The following TRIM33 variants were observed in gnomAD, a reference collection of about 807,000 sequenced individuals.
TRIM33 encodes the protein tripartite motif containing 33.
A neutral mutation model predicts 125.4 loss-of-function variants in TRIM33; 20 were observed. That is an observed-to-expected ratio of 0.16 (90% CI 0.11 to 0.23). TRIM33 has a LOEUF of 0.23. TRIM33 is among the 10% of genes least tolerant of loss of function. The pLI, the probability that TRIM33 is intolerant of heterozygous loss-of-function variation, is 1.00. For synonymous variants in TRIM33, 564 were observed against 513.9 expected (o/e 1.10, Z -1.32); for missense variants, 920 against 1,411.4 (o/e 0.65, Z 5.58).
chr1:114,489,522 T>C (rs1651919691), intron 1 of TRIM33, among the ~76,000 whole-genome samples: 1 of 151,946 alleles, frequency 6.6e-6, no homozygotes, highest in Non-Finnish European at 1.5e-5. Flanking sequence ...AGCAAGAGGA[T>C]CGCTTGGACC....
chr1:114,436,222 G>A (rs1223617287), intron 4 of TRIM33, among the ~76,000 whole-genome samples: 1 of 151,434 alleles, frequency 6.6e-6, no homozygotes, highest in African/African-American at 2.4e-5. Flanking sequence ...ACAACATGGT[G>A]AAACCCTGTC....
In TRIM33 at chr1:114,397,765, C is replaced by T. The variant is rs760678527; in HGVS notation, c.3267G>A (p.Leu1089=). The part of the protein sequence containing the change: ...EIYSDRTFAP[L]PEFEQEEDDG... ...CATCCTCTTCCTGCTCAAACTCTGG[C>T]AAAGGTGCGAAGGTCCTGTCTGAGT... Residue 1089 remains leucine (L), a synonymous_variant, in exon 20 of 20, where the codon TTG becomes TTA. Transcript: ENST00000358465. 4.3e-6 allele frequency: 7 copies of T among 1,613,828 alleles called. No individual in the cohort carries two copies. Among genetic ancestry groups the T allele is most frequent in the South Asian group, 1.1e-5 (1 of 91,050 alleles).
At position 114,427,798 on chromosome 1, in the gene TRIM33, A is replaced by G. The variant is rs1275321461; in HGVS notation, c.1252T>C (p.Trp418Arg). Residue 418 changes from tryptophan (W) to arginine (R), a missense_variant, in exon 7 of 20, where the codon TGG becomes CGG. Trp to Arg is a moderately radical substitution (Grantham distance 101). Around this residue, in one of 8 missense-constraint regions of TRIM33, gnomAD observed 407 missense variants for 589.7 expected, o/e 0.69. Transcript: ENST00000358465. Reference protein sequence around the residue: ...QVKHVMNFTNWAIASGSSTAL... With the variant: ...QVKHVMNFTNRAIASGSSTAL... ...GTGCTGCTGCCACTTGCAATTGCCC[A>G]ATTTGTGAAGTTCATAACATGCTTC... The G allele has an allele frequency of 6.2e-7, 1 of 1,614,014 alleles. No homozygotes were observed. The highest frequency in any genetic ancestry group is 8.5e-7 in the Non-Finnish European group (1 of 1,180,004).
At chr1:114,462,239 T>C (rs1650045838) in intron 4 of TRIM33, among the ~76,000 whole-genome samples, 1 of 152,208 alleles carries the variant, frequency 6.6e-6, no homozygotes, top group South Asian at 2.1e-4. Context: ...AAGGCTGCAA[T>C]AATGGTTGGC....
chr1:114,426,604 C>A (rs896878170), intron 8 of TRIM33, among the ~76,000 whole-genome samples: 11 of 150,912 alleles, frequency 7.3e-5, no homozygotes, highest in South Asian at 4.2e-4. Flanking sequence ...TTTACTCAAT[C>A]TGTAAATAGC....
chr1:114,401,335 T>C (rs1272283890), intron 17 of TRIM33, 54 bp downstream of exon 17: 1 of 1,489,546 alleles, frequency 6.7e-7, no homozygotes, highest in African/African-American at 1.4e-5. Flanking sequence ...CCAGAGCCCA[T>C]ACTCTTAAGT....
chr1:114,457,866 T>G (rs550980331), intron 4 of TRIM33, among the ~76,000 whole-genome samples: 9 of 152,258 alleles, frequency 5.9e-5, no homozygotes, highest in Non-Finnish European at 1.2e-4. Context: ...CACGGAACTC[T>G]GCAGTTGGTG....
At chr1:114,457,151 G>A (rs1461681197) in intron 4 of TRIM33, among the ~76,000 whole-genome samples, 1 of 152,162 alleles carries the variant, frequency 6.6e-6, no homozygotes, top group Non-Finnish European at 1.5e-5. Context: ...AATGAGGCCT[G>A]ATCAAAGACA....
chr1:114,449,927 T>A lies in TRIM33; in HGVS notation c.923+13177A>T, dbSNP rs114687207. Among the ~76,000 whole-genome samples, 456 of 152,300 alleles carry A rather than the reference T, an allele frequency of 3.0e-3. 1 individual carries two copies. The highest frequency in any genetic ancestry group is 0.01 in the African/African-American group (436 of 41,552). On this transcript the variant is annotated intron_variant, in intron 4 of 19. Coordinates refer to ENST00000358465, the MANE Select transcript of TRIM33 (RefSeq NM_015906.4). The stretch of plus-strand genomic sequence containing the variant: ...AATTATCTTACCCCATGGCTGTCAT[T>A]TTAGGCATTCCCTTACCTTTTACTT...
At chr1:114,448,948 A>T (rs1460224868) in intron 4 of TRIM33, among the ~76,000 whole-genome samples, 1 of 152,164 alleles carries the variant, frequency 6.6e-6, no homozygotes, top group African/African-American at 2.4e-5. Flanking sequence ...GAACACAAAG[A>T]CTAGAGTGTC....
chr1:114,510,897 G>C lies in TRIM33; in HGVS notation c.180C>G (p.Ala60=), dbSNP rs1653313747. Residue 60 remains alanine, a synonymous_variant, in exon 1 of 20, where the codon GCC becomes GCG. Transcript: ENST00000358465. ...CGGCCACCCCCCCGTCGTCGGGCCC[G>C]GCCGCGCCGCCCTCAGCGCCGGCCC... ...GGRAGAEGGA[A]GPDDGGVAAA... is the part of the protein sequence containing the mutation. The C allele has an allele frequency of 1.4e-6, 2 of 1,429,986 alleles. No individual in the cohort carries two copies. The highest frequency in any genetic ancestry group is 2.5e-4 in the Middle Eastern group (1 of 4,026). The allele number at this position is 1,429,986 out of a possible 1,614,324, so 88.6% of individuals were successfully genotyped here.
intron 11 of TRIM33, among the ~76,000 whole-genome samples, chr1:114,412,276 C>T (rs770504713): frequency 1.3e-5 from 2 of 152,212 alleles, no homozygotes; most frequent in Non-Finnish European, 2.9e-5. Context: ...AGTAATTACA[C>T]TTCTACCAAC....
At chr1:114,429,898 G>A (rs559844661) in intron 6 of TRIM33, among the ~76,000 whole-genome samples, 3 of 152,016 alleles carry the variant, frequency 2.0e-5, no homozygotes, top group East Asian at 3.9e-4. Context: ...AAATCAAATC[G>A]GCAGTGGAGA....
At chr1:114,481,546 G>A (rs377671063) in intron 1 of TRIM33, among the ~76,000 whole-genome samples, 4 of 145,602 alleles carry the variant, frequency 2.7e-5, no homozygotes, top group African/African-American at 1.0e-4. Flanking sequence ...AGCTGAGATT[G>A]CGCCACTGCA....
At chr1:114,439,542 A>G (rs1387637689) in intron 4 of TRIM33, among the ~76,000 whole-genome samples, 1 of 151,864 alleles carries the variant, frequency 6.6e-6, no homozygotes, top group East Asian at 1.9e-4. Context: ...TCCATCAAAA[A>G]AAAAACAGTG....
intron 4 of TRIM33, among the ~76,000 whole-genome samples, chr1:114,436,167 C>T (rs1170622051): frequency 6.6e-6 from 1 of 151,438 alleles, no homozygotes; most frequent in African/African-American, 2.4e-5. Flanking sequence ...CTTTGGAAGG[C>T]CGAGGCAGGT....
intron 1 of TRIM33, among the ~76,000 whole-genome samples, chr1:114,505,352 A>G (rs1177654033): frequency 6.6e-6 from 1 of 152,132 alleles, no homozygotes; most frequent in African/African-American, 2.4e-5. Context: ...CAGTTAAGTC[A>G]CACTGAGGCC....
At chr1:114,508,332 A>C (rs1653127680) in intron 1 of TRIM33, among the ~76,000 whole-genome samples, 1 of 152,140 alleles carries the variant, frequency 6.6e-6, no homozygotes, top group South Asian at 2.1e-4. Context: ...TCATAACCTC[A>C]GTCCCTCAGC....
intron 4 of TRIM33, among the ~76,000 whole-genome samples, chr1:114,453,364 G>GAAA (rs369947780): frequency 5.3e-5 from 7 of 131,052 alleles, no homozygotes; most frequent in African/African-American, 2.0e-4. Flanking sequence ...TCTGTCTCAG[G>GAAA]AAAAAAAAAA....
Sources: gnomAD v4.1 joint callset for allele counts (sites outside exome capture counted in the v4.1 genomes callset) on GRCh38, gnomAD v4.1.1 for gene constraint, gnomAD v4.1.1 regional missense constraint, MANE v1.5 for transcripts, NCBI Gene and HGNC (gene_info 2026-07-23, HGNC 2026-07-21) for gene names.